Variants in SPAG1 observed in about 807,000 individuals in gnomAD.
SPAG1 encodes the protein sperm associated antigen 1, also known as sperm-associated antigen 1.
Under a neutral mutation model 100.5 loss-of-function variants are expected in SPAG1, and 69 were observed. The observed-to-expected ratio is 0.69, with a 90% CI of 0.57 to 0.84. The LOEUF (loss-of-function observed/expected upper bound fraction) is 0.84, where lower values mean the gene tolerates loss of function less well. SPAG1 is among the 40% of genes least tolerant of loss of function. The pLI, the probability that SPAG1 is intolerant of heterozygous loss-of-function variation, is 0.00. For missense variants in SPAG1, 955 were observed against 1,133.1 expected (o/e 0.84, Z 2.26); for synonymous variants, 336 against 411.6 (o/e 0.82, Z 2.22).
intron 1 of SPAG1, among the ~76,000 whole-genome samples, chr8:100,161,520 A>G (rs1199357325): frequency 6.6e-6 from 1 of 152,192 alleles, no homozygotes; most frequent in Admixed American, 6.5e-5. Flanking sequence ...GCCCACCAAG[A>G]GTTTTGCCTA....
Position 100,240,348 on chromosome 8 carries a change from T to C in SPAG1, c.2281-55T>C, listed in dbSNP as rs183249801. On this transcript the variant is annotated intron_variant, in intron 17 of 18. Transcript: ENST00000388798. Reference sequence around the variant, plus strand: ...CTCATTCTGACAGACGTACTTAGGATGTATGTGGTGATTGTGGTTCAGTGT... The same window carrying C: ...CTCATTCTGACAGACGTACTTAGGACGTATGTGGTGATTGTGGTTCAGTGT... 1.4e-4 allele frequency: 211 copies of C among 1,502,012 alleles called. No homozygotes were observed. The East Asian group carries it at 4.1e-3, about 29-fold the overall frequency. The allele number at this position is 1,502,012 out of a possible 1,614,324, so 93.0% of individuals were successfully genotyped here. A position where few individuals can be genotyped will look rare whatever the true frequency, so the allele number is the denominator to read the frequency against.
intron 7 of SPAG1, among the ~76,000 whole-genome samples, chr8:100,186,822 A>C (rs1297726712): frequency 6.6e-6 from 1 of 152,138 alleles, no homozygotes; most frequent in African/African-American, 2.4e-5. Context: ...GTGACTTCAC[A>C]GTCTGTCCAT....
chr8:100,184,717 G>GTGAT lies in SPAG1; in HGVS notation c.686_689dup (p.Met230IlefsTer18). On this transcript the variant is annotated frameshift_variant, in exon 7 of 19. Coordinates refer to ENST00000388798, the MANE Select transcript of SPAG1 (RefSeq NM_003114.5). LOFTEE classifies it high-confidence loss of function. The stretch of plus-strand genomic sequence containing the variant: ...CAACTCAGGAGATTATGAAGAAGCA[G>GTGAT]TGATGTATTATACCAGGTGAGCAGA... 6.3e-7 allele frequency: 1 copy of GTGAT among 1,584,362 alleles called. No homozygotes were observed. The highest frequency in any genetic ancestry group is 8.6e-7 in the Non-Finnish European group (1 of 1,167,910).
intron 12 of SPAG1, among the ~76,000 whole-genome samples, chr8:100,216,812 C>T (rs1382005414): frequency 6.6e-6 from 1 of 152,032 alleles, no homozygotes; most frequent in Admixed American, 6.6e-5. Context: ...ATCTTTTCAG[C>T]TCAAGTGACT....
At chr8:100,165,379 G>C in intron 2 of SPAG1, 1 of 486,290 alleles carries the variant, frequency 2.1e-6, no homozygotes, top group Non-Finnish European at 4.2e-6. Context: ...GTTGCAAACT[G>C]TAAGACTGCT....
At chr8:100,190,009 G>A (rs540116507) in intron 8 of SPAG1, among the ~76,000 whole-genome samples, 135 of 152,202 alleles carry the variant, frequency 8.9e-4, no homozygotes, top group African/African-American at 2.7e-3. Flanking sequence ...AAATATGTCA[G>A]ATAAAATTTC....
chr8:100,201,036 GA>G (rs2132310525), intron 10 of SPAG1, among the ~76,000 whole-genome samples: 1 of 150,700 alleles, frequency 6.6e-6, no homozygotes, highest in East Asian at 1.9e-4. Flanking sequence ...TTGTACTTTT[GA>G]TATCATATAT....
chr8:100,175,186 C>T (rs1816054959), intron 3 of SPAG1, among the ~76,000 whole-genome samples: 1 of 151,290 alleles, frequency 6.6e-6, no homozygotes, highest in South Asian at 2.1e-4. Flanking sequence ...ATGGCATCTT[C>T]AATGGTGTAG....
intron 10 of SPAG1, among the ~76,000 whole-genome samples, chr8:100,199,404 A>G (rs767193004): frequency 2.6e-5 from 4 of 152,096 alleles, no homozygotes; most frequent in African/African-American, 9.7e-5. Context: ...GGCTATTTCT[A>G]TATCCTCTTT....
In SPAG1 at chr8:100,194,268, A is replaced by T. The variant is rs747483177; in HGVS notation, c.1096A>T (p.Lys366Ter). 2.5e-6 allele frequency: 4 copies of T among 1,607,580 alleles called. No homozygotes were observed. The Admixed American group carries it at 6.7e-5, about 27-fold the overall frequency. Residue 366 changes from lysine (K) to a stop codon, truncating the protein, a stop_gained and splice_region_variant, in exon 10 of 19, where the codon AAG (lysine) becomes TAG (stop). Coordinates refer to ENST00000388798, the MANE Select transcript of SPAG1 (RefSeq NM_003114.5). LOFTEE classifies it high-confidence loss of function. ...RKHEDGGGDK[K>*]PAEPAGAARA... is the part of the protein sequence containing the mutation. ...ACATGAAGATGGCGGTGGAGATAAG[A>T]GTAAAATATTTTTTCTATTTAGGTT...
intron 10 of SPAG1, 129 bp from the exon 11 acceptor site, chr8:100,212,961 G>A (rs911630883): frequency 1.5e-6 from 1 of 688,858 alleles, no homozygotes; most frequent in Non-Finnish European, 2.1e-6. Flanking sequence ...TCCGCCCGCA[G>A]GGGCGGTGCC....
rs1052549064 is a variant in SPAG1, at chr8:100,213,363, G to T, written c.1370G>T (p.Arg457Leu). Residue 457 changes from arginine to leucine, a missense_variant, in exon 11 of 19, where the codon CGA becomes CTA. Physicochemically the swap from Arg to Leu is moderately radical, Grantham distance 102. Transcript: ENST00000388798. The stretch of plus-strand genomic sequence containing the variant: ...AAGAGCCAGGGCAACGAGCTGTTCC[G>T]AAGCGGGCAGTTCGCCGAGGCGGCC... Reference protein sequence around the residue: ...GLKSQGNELFRSGQFAEAAGK... With the variant: ...GLKSQGNELFLSGQFAEAAGK... 6.9e-7 allele frequency: 1 copy of T among 1,448,686 alleles called. No homozygotes were observed. Among genetic ancestry groups the T allele is most frequent in the Admixed American group, 2.6e-5 (1 of 38,894 alleles). 89.7% of individuals were successfully genotyped at this position (1,448,686 alleles called of 1,614,324 possible).
chr8:100,165,305 AT>A (rs1371351331), intron 2 of SPAG1: 1 of 512,340 alleles, frequency 2.0e-6, no homozygotes, highest in Non-Finnish European at 4.0e-6. Context: ...TCTGTGCAGG[AT>A]TTTTTCCTAT....
At position 100,179,946 on chromosome 8, in the gene SPAG1, TG is replaced by T. The variant is rs370141590; in HGVS notation, c.426+2006del. On this transcript the variant is annotated intron_variant, in intron 4 of 18. Coordinates refer to ENST00000388798, the MANE Select transcript of SPAG1 (RefSeq NM_003114.5). ...AGACTTAGGATTTTGGCAAAAATTT[TG>T]TTGGAAGTGAATGAAGGAGGCCTGT... Among the ~76,000 whole-genome samples the T allele has an allele frequency of 2.6e-4, 39 of 152,346 alleles. No individual in the cohort carries two copies. In the East Asian group the frequency reaches 5.6e-3, roughly 22 times the overall value.
At chr8:100,162,811 C>T (rs1386085159) in intron 2 of SPAG1, among the ~76,000 whole-genome samples, 1 of 152,068 alleles carries the variant, frequency 6.6e-6, no homozygotes, top group Non-Finnish European at 1.5e-5. Context: ...AATCCTATCT[C>T]TACAAAAAAT....
chr8:100,227,864 T>TTTTG (rs869222511), intron 14 of SPAG1, among the ~76,000 whole-genome samples: 2 of 149,054 alleles, frequency 1.3e-5, no homozygotes, highest in African/African-American at 2.5e-5. Flanking sequence ...TTTTTTTTTT[T>TTTTG]GAGACAGGAT....
chr8:100,205,010 C>T (rs1043752357), intron 10 of SPAG1, among the ~76,000 whole-genome samples: 6 of 152,142 alleles, frequency 3.9e-5, no homozygotes, highest in Admixed American at 2.0e-4. Flanking sequence ...TAATTAATCA[C>T]GATGTTCCTA....
In SPAG1 at chr8:100,241,174, T is replaced by G; in HGVS notation, c.*152T>G. 7.2e-6 allele frequency: 4 copies of G among 558,962 alleles called. No individual in the cohort carries two copies. The highest frequency in any genetic ancestry group is 1.2e-5 in the Non-Finnish European group (4 of 338,990). 34.6% of individuals were successfully genotyped at this position (558,962 alleles called of 1,614,324 possible). On this transcript the variant is annotated 3_prime_UTR_variant, in exon 19 of 19. Transcript: ENST00000388798. The surrounding 1 kb of genome is among the most constrained non-coding windows in gnomAD (Gnocchi z 5.1). ...TTTACTTATTTTCCTACATAGAACA[T>G]GTATATTCTACAATCTGCTTTTTAT...
At chr8:100,175,693 C>A (rs1429219904) in intron 3 of SPAG1, among the ~76,000 whole-genome samples, 2 of 152,164 alleles carry the variant, frequency 1.3e-5, no homozygotes, top group Non-Finnish European at 2.9e-5. Flanking sequence ...CGGTCTTGAA[C>A]TCATGGGATT....
Sources: allele counts gnomAD v4.1 joint callset (sites outside exome capture counted in the v4.1 genomes callset), GRCh38; gene constraint gnomAD v4.1.1; non-coding constraint Gnocchi (gnomAD v3.1); transcripts MANE v1.5; gene names NCBI Gene and HGNC (gene_info 2026-07-23, HGNC 2026-07-21).